Variants in TEX2 observed in about 807,000 individuals in gnomAD.
The protein encoded by TEX2 is testis expressed 2.
Under a neutral mutation model 106.9 loss-of-function variants are expected in TEX2, and 53 were observed. That is an observed-to-expected ratio of 0.50 (90% CI 0.40 to 0.62). The LOEUF (loss-of-function observed/expected upper bound fraction) is 0.62. Among genes scored for constraint, TEX2 ranks in the 20% least tolerant of loss-of-function variants. The pLI, the probability that TEX2 is intolerant of heterozygous loss-of-function variation, is 0.00. For synonymous variants in TEX2, 523 were observed against 534.8 expected (o/e 0.98, Z 0.30); for missense variants, 1,207 against 1,379.0 (o/e 0.88, Z 1.98).
At chr17:64,225,877 C>G (rs782784819) in intron 1 of TEX2, among the ~76,000 whole-genome samples, 1 of 152,088 alleles carries the variant, frequency 6.6e-6, no homozygotes, top group Non-Finnish European at 1.5e-5. Flanking sequence ...GCCACCACAA[C>G]CAGCTAATTT....
At chr17:64,252,457 C>A (rs2034110320) in intron 1 of TEX2, among the ~76,000 whole-genome samples, 1 of 152,086 alleles carries the variant, frequency 6.6e-6, no homozygotes, top group South Asian at 2.1e-4. Context: ...TACAGGTGCA[C>A]ACCACCATGC....
intron 1 of TEX2, among the ~76,000 whole-genome samples, chr17:64,262,834 G>GC (rs2034319104): frequency 6.6e-6 from 1 of 152,116 alleles, no homozygotes; most frequent in Non-Finnish European, 1.5e-5. Flanking sequence ...AAAATTGCAA[G>GC]CCGTTTTCCT....
At position 64,247,280 on chromosome 17, in the gene TEX2, AG is replaced by A. The variant is rs1290906939; in HGVS notation, c.-26+15887del. On this transcript the variant is annotated intron_variant, in intron 1 of 11. Transcript: ENST00000584379. ...TGAGACTCTGTCTCAAAAAAAAAAAAGAAAAAGAAAAGAAAAGAAAGAAAGA... is the reference window on the plus strand; with the variant it reads ...TGAGACTCTGTCTCAAAAAAAAAAAAAAAAAGAAAAGAAAAGAAAGAAAGA... Among the ~76,000 whole-genome samples, 795 of 151,712 alleles carry A rather than the reference AG, an allele frequency of 5.2e-3. 3 individuals carry two copies. Among genetic ancestry groups the A allele is most frequent in the African/African-American group, 0.018 (757 of 41,216 alleles).
At chr17:64,241,677 A>T (rs1304503598) in intron 1 of TEX2, among the ~76,000 whole-genome samples, 1 of 152,116 alleles carries the variant, frequency 6.6e-6, no homozygotes, top group African/African-American at 2.4e-5. Flanking sequence ...TCTATCACCC[A>T]GGCTGGAGTG....
intron 1 of TEX2, among the ~76,000 whole-genome samples, chr17:64,224,426 G>A (rs1321768035): frequency 6.6e-6 from 1 of 152,106 alleles, no homozygotes; most frequent in Non-Finnish European, 1.5e-5. Context: ...AAGCAGCTGA[G>A]AACTGCCAGC....
Position 64,195,023 on chromosome 17 carries a change from G to T in TEX2, c.1717C>A (p.Arg573=), listed in dbSNP as rs2032422128. The change falls in exon 3 of 12, where the codon CGA becomes AGA. Residue 573 remains arginine (R), a synonymous_variant. Coordinates refer to ENST00000584379, the MANE Select transcript of TEX2 (RefSeq NM_001288732.2). The surrounding 1 kb of genome is among the most constrained non-coding windows in gnomAD (Gnocchi z 4.1). The part of the protein sequence containing the change: ...HATLTHSVFV[R]LEGGTLRLSK... Reference sequence around the variant, plus strand: ...AGTCTTAAGGTTCCACCCTCAAGTCGAACAAAGACTGAATGTGTCAAAGTC... The same window carrying T: ...AGTCTTAAGGTTCCACCCTCAAGTCTAACAAAGACTGAATGTGTCAAAGTC... 1 of 1,613,994 alleles carries T rather than the reference G, an allele frequency of 6.2e-7. No individual in the cohort carries two copies. Among genetic ancestry groups the T allele is most frequent in the African/African-American group, 1.3e-5 (1 of 74,902 alleles).
intron 1 of TEX2, chr17:64,255,829 C>T (rs1382744323): frequency 6.6e-6 from 1 of 152,204 alleles, no homozygotes; most frequent in Non-Finnish European, 1.5e-5. Context: ...ACAGCAACTC[C>T]GAGTTGTCAT....
chr17:64,230,161 G>A (rs1555634442), intron 1 of TEX2, among the ~76,000 whole-genome samples: 1 of 152,150 alleles, frequency 6.6e-6, no homozygotes, highest in Non-Finnish European at 1.5e-5. Flanking sequence ...GCACACATGT[G>A]TGTGTAGGGG....
At chr17:64,221,028 G>A (rs1416748644) in intron 1 of TEX2, among the ~76,000 whole-genome samples, 1 of 152,124 alleles carries the variant, frequency 6.6e-6, no homozygotes, top group Non-Finnish European at 1.5e-5. Flanking sequence ...GCCATAAAAA[G>A]AAATGAGATC....
chr17:64,168,178 A>G (rs1241565106), intron 7 of TEX2, among the ~76,000 whole-genome samples: 1 of 152,192 alleles, frequency 6.6e-6, no homozygotes, highest in Non-Finnish European at 1.5e-5. Context: ...CTTGTCACCC[A>G]GATTCAAATT....
chr17:64,240,646 T>C (rs2033870548), intron 1 of TEX2, among the ~76,000 whole-genome samples: 1 of 152,162 alleles, frequency 6.6e-6, no homozygotes, highest in Non-Finnish European at 1.5e-5. Context: ...AGCATTTGCA[T>C]GGGGAATGAA....
chr17:64,183,598 T>G (rs1024058552), intron 5 of TEX2, among the ~76,000 whole-genome samples: 6 of 152,080 alleles, frequency 3.9e-5, no homozygotes, highest in African/African-American at 1.4e-4. Context: ...GGCTAATTTT[T>G]TGTATTTTTA....
intron 1 of TEX2, among the ~76,000 whole-genome samples, chr17:64,250,084 G>A (rs575912243): frequency 6.6e-6 from 1 of 152,144 alleles, no homozygotes; most frequent in Non-Finnish European, 1.5e-5. Flanking sequence ...CAATTCCTGA[G>A]GGCAGCTCCT....
In TEX2 at chr17:64,156,604, C is replaced by T. The variant is rs116075061; in HGVS notation, c.2805-1637G>A. On this transcript the variant is annotated intron_variant, in intron 8 of 11. Transcript: ENST00000584379. ...TAGCAAAATTCAATTCCTATGAAAG[C>T]CTAAACCGGGTCTTGGGTGAGGAAA... Among the ~76,000 whole-genome samples the T allele has an allele frequency of 3.8e-3, 573 of 152,314 alleles. 8 individuals carry two copies. Among genetic ancestry groups the T allele is most frequent in the African/African-American group, 0.013 (532 of 41,566 alleles).
At chr17:64,245,664 G>A (rs563565013) in intron 1 of TEX2, among the ~76,000 whole-genome samples, 3 of 152,178 alleles carry the variant, frequency 2.0e-5, no homozygotes, top group East Asian at 3.9e-4. Flanking sequence ...TTTTTAATAC[G>A]ATGAACCTTT....
intron 2 of TEX2, among the ~76,000 whole-genome samples, chr17:64,204,231 CA>C: frequency 6.6e-6 from 1 of 152,248 alleles, no homozygotes; most frequent in Non-Finnish European, 1.5e-5. Flanking sequence ...ACACATGTCC[CA>C]ATATATACAG....
At chr17:64,244,099 G>A (rs908532273) in intron 1 of TEX2, among the ~76,000 whole-genome samples, 25 of 152,140 alleles carry the variant, frequency 1.6e-4, no homozygotes, top group Admixed American at 1.3e-3. Flanking sequence ...GAACCACCGC[G>A]CCCAGCCAAA....
chr17:64,212,926 T>A lies in TEX2; in HGVS notation c.1292A>T (p.Glu431Val). 1 of 1,614,190 alleles carries A rather than the reference T, an allele frequency of 6.2e-7. No homozygotes were observed. The highest frequency in any genetic ancestry group is 8.5e-7 in the Non-Finnish European group (1 of 1,180,030). ...LYTEDFDLET[E>V]GESKVDKLSD... The stretch of plus-strand genomic sequence containing the variant: ...GAGCTTATCAACTTTACTCTCCCCC[T>A]CCGTTTCCAAATCGAAGTCCTCAGT... Residue 431 changes from glutamate (E) to valine (V), a missense_variant, in exon 2 of 12, where the codon GAG (glutamate) becomes GTG (valine). Coordinates refer to ENST00000584379, the MANE Select transcript of TEX2 (RefSeq NM_001288732.2).
intron 1 of TEX2, among the ~76,000 whole-genome samples, chr17:64,241,240 T>C (rs1351187221): frequency 6.6e-6 from 1 of 152,188 alleles, no homozygotes; most frequent in Non-Finnish European, 1.5e-5. Flanking sequence ...CTAGGTTCAG[T>C]GCTGAGCTCA....
Sources: allele counts gnomAD v4.1 joint callset (sites outside exome capture counted in the v4.1 genomes callset), GRCh38; gene constraint gnomAD v4.1.1; non-coding constraint Gnocchi (gnomAD v3.1); transcripts MANE v1.5; gene names NCBI Gene and HGNC (gene_info 2026-07-23, HGNC 2026-07-21).